The following PCDH7 variants were observed in gnomAD, a reference collection of about 807,000 sequenced individuals.
PCDH7 encodes protocadherin 7, also known as protocadherin-7.
PCDH7 carries 17 observed loss-of-function variants against 58.9 expected under a neutral mutation model. That is an observed-to-expected ratio of 0.29 (90% CI 0.20 to 0.43). PCDH7 has a LOEUF of 0.43. PCDH7 is among the 20% of genes least tolerant of loss of function. PCDH7 has a pLI of 1.00. For synonymous variants in PCDH7, 664 were observed against 616.4 expected (o/e 1.08, Z -1.14); for missense variants, 1,274 against 1,441.0 (o/e 0.88, Z 1.88).
At position 30,720,803 on chromosome 4, in the gene PCDH7, T is replaced by C. The variant is rs1027205160; in HGVS notation, c.-620T>C. On this transcript the variant is annotated 5_prime_UTR_variant, in exon 1 of 2. Transcript: ENST00000361762. The surrounding 1 kb of genome is among the most constrained non-coding windows in gnomAD (Gnocchi z 4.7). ...CAGAGTCGGAGTTGAGACTGGCTTG[T>C]TGCTGGCCCCAGCGCCTGGTGCAGG... 1.3e-5 allele frequency: 2 copies of C among 152,922 alleles called. No individual in the cohort carries two copies. The highest frequency in any genetic ancestry group is 2.9e-5 in the Non-Finnish European group (2 of 68,676). The allele number at this position is 152,922 out of a possible 1,614,324, so 9.5% of individuals were successfully genotyped here.
chr4:30,864,092 TG>T (rs1734556441), intron 1 of PCDH7, among the ~76,000 whole-genome samples: 1 of 151,976 alleles, frequency 6.6e-6, no homozygotes, highest in African/African-American at 2.4e-5. Context: ...GAGAGGAAGT[TG>T]GTTAATTATT....
At chr4:31,016,227 G>A (rs916180199) in intron 3 of PCDH7, among the ~76,000 whole-genome samples, 6 of 152,014 alleles carry the variant, frequency 3.9e-5, no homozygotes, top group Non-Finnish European at 8.8e-5. Context: ...AGGACCATAT[G>A]GATCTTTATA....
chr4:30,888,115 C>T (rs1168582096), intron 1 of PCDH7, among the ~76,000 whole-genome samples: 1 of 152,110 alleles, frequency 6.6e-6, no homozygotes, highest in Non-Finnish European at 1.5e-5. Flanking sequence ...ACCTCATTAT[C>T]TGCCCACCTC....
intron 3 of PCDH7, among the ~76,000 whole-genome samples, chr4:31,122,808 G>T (rs1717850227): frequency 6.6e-6 from 1 of 151,532 alleles, no homozygotes; most frequent in African/African-American, 2.4e-5. Flanking sequence ...TATAAAAATT[G>T]TTTCTTTGGG....
chr4:30,732,468 C>T (rs1303040785), exon 2 of PCDH7: 1 of 152,108 alleles, frequency 6.6e-6, no homozygotes, highest in Non-Finnish European at 1.5e-5. Flanking sequence ...AATACCTTCA[C>T]AAAGAAGAAC....
At chr4:30,879,334 AT>A (rs1236210125) in intron 1 of PCDH7, among the ~76,000 whole-genome samples, 2 of 152,206 alleles carry the variant, frequency 1.3e-5, no homozygotes, top group Non-Finnish European at 2.9e-5. Flanking sequence ...GACAAAAAAA[AT>A]CAAAAGTGAT....
At chr4:30,754,776 C>T (rs1719054346) in intron 1 of PCDH7, among the ~76,000 whole-genome samples, 1 of 151,512 alleles carries the variant, frequency 6.6e-6, no homozygotes, top group Non-Finnish European at 1.5e-5. Context: ...TTTTTTTTGA[C>T]ATTATCTAAT....
chr4:30,967,420 T>G (rs1560540546), intron 3 of PCDH7, among the ~76,000 whole-genome samples: 1 of 152,154 alleles, frequency 6.6e-6, no homozygotes, highest in African/African-American at 2.4e-5. Flanking sequence ...CTTCAATGGA[T>G]AGTCTGCATA....
intron 1 of PCDH7, among the ~76,000 whole-genome samples, chr4:30,758,539 T>C (rs1266422952): frequency 6.6e-6 from 1 of 152,186 alleles, no homozygotes; most frequent in African/African-American, 2.4e-5. Flanking sequence ...GATATTGTGG[T>C]TCATTTTGCC....
intron 3 of PCDH7, among the ~76,000 whole-genome samples, chr4:31,074,874 G>T (rs1758853305): frequency 6.7e-6 from 1 of 148,166 alleles, no homozygotes; most frequent in Non-Finnish European, 1.5e-5. Context: ...CTGATACATT[G>T]CTCATCATTT....
At chr4:30,909,348 A>G (rs879924321) in intron 1 of PCDH7, among the ~76,000 whole-genome samples, 6 of 152,182 alleles carry the variant, frequency 3.9e-5, no homozygotes, top group Non-Finnish European at 7.3e-5. Flanking sequence ...AGGCAAGAGA[A>G]AGAAATAAAT....
chr4:31,129,455 G>T (rs553446216), intron 3 of PCDH7, among the ~76,000 whole-genome samples: 1 of 152,166 alleles, frequency 6.6e-6, no homozygotes, highest in Admixed American at 6.5e-5. Flanking sequence ...CCTACCTTAG[G>T]TCTGTGGAAG....
At chr4:31,095,393 C>T (rs182442122) in intron 3 of PCDH7, among the ~76,000 whole-genome samples, 1 of 152,194 alleles carries the variant, frequency 6.6e-6, no homozygotes, top group Admixed American at 6.5e-5. Flanking sequence ...CTTTTCTATT[C>T]CTACTGAGAA....
At chr4:30,728,202 G>C (rs1204430430) in intron 1 of PCDH7, among the ~76,000 whole-genome samples, 1 of 150,442 alleles carries the variant, frequency 6.6e-6, no homozygotes, top group African/African-American at 2.4e-5. Context: ...TGGTTGACTT[G>C]CTGTCATCTA....
chr4:31,122,002 G>A (rs886503999), intron 3 of PCDH7, among the ~76,000 whole-genome samples: 4 of 151,972 alleles, frequency 2.6e-5, no homozygotes, highest in Admixed American at 2.0e-4. Flanking sequence ...GAAGTTTTCG[G>A]AGATTTTATT....
chr4:30,994,370 C>A (rs747085599), intron 3 of PCDH7, among the ~76,000 whole-genome samples: 17 of 152,118 alleles, frequency 1.1e-4, no homozygotes, highest in Non-Finnish European at 2.1e-4. Flanking sequence ...CCCATGACAG[C>A]TTTGTTGTAC....
intron 1 of PCDH7, among the ~76,000 whole-genome samples, chr4:30,894,927 T>C (rs979773272): frequency 6.6e-6 from 1 of 151,676 alleles, no homozygotes; most frequent in Non-Finnish European, 1.5e-5. Context: ...ATGCAAAACC[T>C]CTAGCATGTT....
intron 3 of PCDH7, among the ~76,000 whole-genome samples, chr4:31,055,079 G>A (rs1007168563): frequency 5.9e-5 from 9 of 151,956 alleles, no homozygotes; most frequent in South Asian, 2.1e-4. Context: ...ATATTTCATC[G>A]TAGCAAATAA....
intron 3 of PCDH7, among the ~76,000 whole-genome samples, chr4:31,075,836 G>T (rs907922418): frequency 1.3e-5 from 2 of 151,876 alleles, no homozygotes; most frequent in African/African-American, 4.8e-5. Context: ...AACTTCACTG[G>T]GTCACTTTTT....
Sources: allele counts gnomAD v4.1 joint callset (sites outside exome capture counted in the v4.1 genomes callset), GRCh38; gene constraint gnomAD v4.1.1; non-coding constraint Gnocchi (gnomAD v3.1); transcripts MANE v1.5; gene names NCBI Gene and HGNC (gene_info 2026-07-23, HGNC 2026-07-21).